Variants in RLIM observed in about 807,000 individuals in gnomAD.
RLIM encodes the protein ring finger protein, LIM domain interacting.
RLIM carries 2 observed loss-of-function variants against 34.0 expected under a neutral mutation model. The observed-to-expected ratio is 0.06, with a 90% CI of 0.02 to 0.19. The LOEUF is 0.19. Ranked by LOEUF, RLIM falls within the 10% of genes least tolerant of loss-of-function variation. The probability of loss-of-function intolerance (pLI) is 1.00; values close to 1 mark genes in which losing one functional copy is unlikely to be tolerated. For synonymous variants in RLIM, 169 were observed against 164.0 expected (o/e 1.03, Z -0.23); for missense variants, 286 against 479.7 (o/e 0.60, Z 3.77).
intron 1 of RLIM, among the ~76,000 whole-genome samples, chrX:74,609,014 TAAG>T (rs201992082): frequency 0.011 from 1,283 of 111,706 alleles, 20 homozygotes; most frequent in African/African-American, 0.04. Flanking sequence ...TCATTATTCC[TAAG>T]AAGTCAAAAA....
rs1241727705 is a variant in RLIM at position 74,592,196 on chromosome X, T to C, written c.1119A>G (p.Ala373=). 3 of 1,210,216 alleles carry C rather than the reference T, an allele frequency of 2.5e-6. No homozygotes were observed. The highest frequency in any genetic ancestry group is 3.5e-5 in the African/African-American group (2 of 57,238). Residue 373 remains alanine (A), a synonymous_variant, in exon 4 of 4, where the codon GCA becomes GCG. Coordinates refer to ENST00000332687, the MANE Select transcript of RLIM (RefSeq NM_016120.4). ...FRRTFSRSER[A]GVRTYVSTIR... ...TGGTACTGACATAGGTTCTCACACC[T>C]GCCCGCTCAGAACGTGAAAATGTAC...
intron 3 of RLIM, among the ~76,000 whole-genome samples, chrX:74,593,400 T>C (rs185706743): frequency 2.4e-4 from 27 of 112,536 alleles, no homozygotes; most frequent in African/African-American, 7.7e-4. Context: ...AAAATACTAA[T>C]GTAATCAAAC....
Position 74,613,638 on chromosome X carries a change from C to CTT in RLIM, c.-24+782_-24+783dup, listed in dbSNP as rs11416723. On this transcript the variant is annotated intron_variant, in intron 1 of 3. Coordinates refer to ENST00000332687, the MANE Select transcript of RLIM (RefSeq NM_016120.4). ...CTGCAGAAGCAGAGACCCCCCTAGGCTTTTTTTTTTTTTTTTAATGGGGGA... is the reference window on the plus strand; with the variant it reads ...CTGCAGAAGCAGAGACCCCCCTAGGCTTTTTTTTTTTTTTTTTTAATGGGGGA... Among the ~76,000 whole-genome samples, 730 of 87,516 alleles carry CTT rather than the reference C, an allele frequency of 8.3e-3. 12 individuals are homozygous for CTT. Among genetic ancestry groups the CTT allele is most frequent in the African/African-American group, 0.014 (335 of 23,734 alleles). 76.0% of individuals were successfully genotyped at this position (87,516 alleles called of 115,157 possible). A position where few individuals can be genotyped will look rare whatever the true frequency, so the allele number is the denominator to read the frequency against.
In RLIM at chrX:74,584,277, C is replaced by A. The variant is rs1310626708; in HGVS notation, c.*7163G>T. Among the ~76,000 whole-genome samples, 2 of 111,401 alleles carry A rather than the reference C, an allele frequency of 1.8e-5. No homozygotes were observed. The highest frequency in any genetic ancestry group is 1.9e-4 in the Admixed American group (2 of 10,437). ...TCTGCTACTTACTATGTGACCTGGG[C>A]AAATTACCAAACATCTGTATCTCAG... On this transcript the variant is annotated 3_prime_UTR_variant, in exon 4 of 4. Coordinates refer to ENST00000332687, the MANE Select transcript of RLIM (RefSeq NM_016120.4).
rs2079619261 is a variant in RLIM at position 74,592,221 on chromosome X, C to T, written c.1094G>A (p.Arg365His). Residue 365 changes from arginine (R) to histidine (H), a missense_variant, in exon 4 of 4, where the codon CGT (arginine) becomes CAT (histidine). By Grantham distance (29) the Arg-to-His change is conservative. Around this residue, in one of 6 missense-constraint regions of RLIM, gnomAD observed 121 missense variants for 182.4 expected, o/e 0.66. Coordinates refer to ENST00000332687, the MANE Select transcript of RLIM (RefSeq NM_016120.4). ...TGCCCGCTCAGAACGTGAAAATGTA[C>T]GCCTAAAACCTCCTCGTTCACTTTC... ...TYESERGGFR[R>H]TFSRSERAGV... is the part of the protein sequence containing the mutation. 5 of 1,211,747 alleles carry T rather than the reference C, an allele frequency of 4.1e-6. No individual in the cohort carries two copies. Among genetic ancestry groups the T allele is most frequent in the Non-Finnish European group, 5.6e-6 (5 of 895,516 alleles).
intron 1 of RLIM, among the ~76,000 whole-genome samples, chrX:74,596,679 C>T (rs1024307321): frequency 1.8e-5 from 2 of 112,412 alleles, no homozygotes; most frequent in Non-Finnish European, 3.7e-5. Flanking sequence ...CATACACATT[C>T]ATTTACATGT....
intron 1 of RLIM, among the ~76,000 whole-genome samples, chrX:74,605,888 AC>A (rs1349291474): frequency 8.9e-6 from 1 of 111,917 alleles, no homozygotes; most frequent in Non-Finnish European, 1.9e-5. Flanking sequence ...AAAGTGATTT[AC>A]CAAAAACCAT....
chrX:74,609,898 A>G (rs1298775796), intron 1 of RLIM, among the ~76,000 whole-genome samples: 1 of 112,122 alleles, frequency 8.9e-6, no homozygotes, highest in Non-Finnish European at 1.9e-5. Context: ...TTCCAGAAAA[A>G]AATTTTAAAC....
chrX:74,587,294 C>T lies in RLIM; in HGVS notation c.*4146G>A, dbSNP rs1055251736. ...ATTAAAGGGAAAAAAACACACCTGA[C>T]ACTTTAACATGTGCCTTAACAATCT... On this transcript the variant is annotated 3_prime_UTR_variant, in exon 4 of 4. Coordinates refer to ENST00000332687, the MANE Select transcript of RLIM (RefSeq NM_016120.4). 9.0e-6 allele frequency: 1 copy of T among 110,565 alleles called. No homozygotes were observed. Among genetic ancestry groups the T allele is most frequent in the Non-Finnish European group, 1.9e-5 (1 of 52,980 alleles). The allele number at this position is 110,565 out of a possible 1,213,427, so 9.1% of individuals were successfully genotyped here. A position where few individuals can be genotyped will look rare whatever the true frequency, so the allele number is the denominator to read the frequency against.
In RLIM at chrX:74,585,703, T is replaced by G. The variant is rs1004246438; in HGVS notation, c.*5737A>C. On this transcript the variant is annotated 3_prime_UTR_variant, in exon 4 of 4. Coordinates refer to ENST00000332687, the MANE Select transcript of RLIM (RefSeq NM_016120.4). Reference sequence around the variant, plus strand: ...AGAAAACTGTGTACATTCTCAAAATTTAATACAGGGCTTCCCAACCAGGAG... The same window carrying G: ...AGAAAACTGTGTACATTCTCAAAATGTAATACAGGGCTTCCCAACCAGGAG... 1.7e-4 allele frequency: 19 copies of G among 111,938 alleles called. No individual in the cohort carries two copies. In the Admixed American group the frequency reaches 1.8e-3, roughly 11 times the overall value. 9.2% of individuals were successfully genotyped at this position (111,938 alleles called of 1,213,427 possible).
intron 1 of RLIM, among the ~76,000 whole-genome samples, chrX:74,613,518 T>C (rs1397695045): frequency 9.1e-6 from 1 of 110,403 alleles, no homozygotes; most frequent in South Asian, 3.9e-4. Flanking sequence ...TTGAAATTAA[T>C]CAGCATAAGG....
chrX:74,608,500 C>A, intron 1 of RLIM, among the ~76,000 whole-genome samples: 1 of 110,111 alleles, frequency 9.1e-6, no homozygotes, highest in East Asian at 2.8e-4. Flanking sequence ...TACCTCTCAC[C>A]AACTAAAAAA....
At chrX:74,606,853 T>G (rs1026829319) in intron 1 of RLIM, among the ~76,000 whole-genome samples, 3 of 111,735 alleles carry the variant, frequency 2.7e-5, no homozygotes, top group African/African-American at 9.8e-5. Context: ...GGCATGGTGC[T>G]GGCCGAGTGT....
chrX:74,608,565 C>A (rs2079693025), intron 1 of RLIM, among the ~76,000 whole-genome samples: 1 of 111,739 alleles, frequency 8.9e-6, no homozygotes, highest in Non-Finnish European at 1.9e-5. Context: ...AGGTATCCCC[C>A]ACTGCTCATG....
chrX:74,611,538 C>A (rs970854078), intron 1 of RLIM, among the ~76,000 whole-genome samples: 4 of 111,984 alleles, frequency 3.6e-5, no homozygotes, highest in Non-Finnish European at 7.5e-5. Context: ...AATTACAGGG[C>A]CTGTGAAATA....
At chrX:74,603,127 C>T (rs1569312301) in intron 1 of RLIM, among the ~76,000 whole-genome samples, 2 of 110,326 alleles carry the variant, frequency 1.8e-5, no homozygotes, top group African/African-American at 6.6e-5. Flanking sequence ...ACCATTTGGA[C>T]TAAAATGCTA....
At chrX:74,610,898 A>T (rs1332147566) in intron 1 of RLIM, among the ~76,000 whole-genome samples, 6 of 108,409 alleles carry the variant, frequency 5.5e-5, no homozygotes, top group African/African-American at 2.0e-4. Context: ...TCAAAAAAAT[A>T]AAAAAATAAA....
chrX:74,593,370 C>G (rs1003075773), intron 3 of RLIM, among the ~76,000 whole-genome samples: 1 of 112,054 alleles, frequency 8.9e-6, no homozygotes, highest in Non-Finnish European at 1.9e-5. Context: ...GGTCAGAAGA[C>G]GTTTTTTCAG....
intron 1 of RLIM, 23 bp from the exon 2 acceptor site, chrX:74,596,023 T>C: frequency 9.9e-7 from 1 of 1,005,880 alleles, no homozygotes; most frequent in Non-Finnish European, 1.3e-6. Flanking sequence ...AAGAGACTAA[T>C]CTTGAAAATA....
Sources: allele counts gnomAD v4.1 joint callset (sites outside exome capture counted in the v4.1 genomes callset), GRCh38; gene constraint gnomAD v4.1.1; regional missense constraint gnomAD v4.1.1; transcripts MANE v1.5; gene names NCBI Gene and HGNC (gene_info 2026-07-23, HGNC 2026-07-21).